MMP26: variants seen among roughly 807,000 people sequenced by gnomAD.
MMP26 encodes the protein matrix metalloproteinase-26.
MMP26 carries 33 observed loss-of-function variants against 31.0 expected under a neutral mutation model. That is an observed-to-expected ratio of 1.06 (90% CI 0.81 to 1.42). MMP26 has a LOEUF of 1.42. Ranked by LOEUF, MMP26 falls within the 40% of genes most tolerant of loss-of-function variation. The pLI is 0.00. For missense variants in MMP26, 347 were observed against 316.1 expected (o/e 1.10, Z -0.74); for synonymous variants, 122 against 114.9 (o/e 1.06, Z -0.40).
chr11:4,910,634 C>A (rs72858173), intron 2 of MMP26, among the ~76,000 whole-genome samples: 18,652 of 152,092 alleles, frequency 0.12, 1,308 homozygotes, highest in South Asian at 0.25. Context: ...GATATCTACA[C>A]CATAATTTAA....
intron 2 of MMP26, among the ~76,000 whole-genome samples, chr11:4,977,872 GC>G (rs1416618793): frequency 6.6e-6 from 1 of 151,926 alleles, no homozygotes; most frequent in East Asian, 1.9e-4. Context: ...TCAAACTGTG[GC>G]TTTTGTATTT....
chr11:4,789,270 A>G (rs1404712230), intron 2 of MMP26, among the ~76,000 whole-genome samples: 1 of 152,142 alleles, frequency 6.6e-6, no homozygotes, highest in East Asian at 1.9e-4. Context: ...GGTTTGATTT[A>G]TGTTTCTAAA....
intron 2 of MMP26, among the ~76,000 whole-genome samples, chr11:4,918,780 G>T (rs1335140115): frequency 6.6e-6 from 1 of 152,136 alleles, no homozygotes; most frequent in Non-Finnish European, 1.5e-5. Context: ...TGACTGTTCT[G>T]ATTCTATTAT....
chr11:4,812,407 G>A (rs958499900), intron 2 of MMP26, among the ~76,000 whole-genome samples: 1 of 152,184 alleles, frequency 6.6e-6, no homozygotes, highest in Non-Finnish European at 1.5e-5. Flanking sequence ...TGCCAAGGTT[G>A]AGGTGACATG....
chr11:4,890,631 A>G (rs1252352279), intron 2 of MMP26: 1 of 152,154 alleles, frequency 6.6e-6, no homozygotes, highest in Non-Finnish European at 1.5e-5. Flanking sequence ...CAGGTCTGAA[A>G]TGACACTCAG....
chr11:4,857,320 G>A (rs540160030), intron 2 of MMP26, among the ~76,000 whole-genome samples: 7 of 151,914 alleles, frequency 4.6e-5, no homozygotes, highest in South Asian at 4.2e-4. Context: ...AAAATTGATA[G>A]ACTGCTAGCA....
intron 2 of MMP26, among the ~76,000 whole-genome samples, chr11:4,948,157 G>A (rs12275557): frequency 0.023 from 2,914 of 124,428 alleles, 641 homozygotes; most frequent in African/African-American, 0.075. Context: ...CCCTGTTTAA[G>A]GGACCTACTT....
intron 2 of MMP26, among the ~76,000 whole-genome samples, chr11:4,834,207 G>A (rs113868458): frequency 0.027 from 4,176 of 152,242 alleles, 86 homozygotes; most frequent in Non-Finnish European, 0.039. Context: ...AGGTTCGTGA[G>A]ATGTGGATTC....
At chr11:4,714,675 T>G (rs1847902436) in intron 1 of MMP26, among the ~76,000 whole-genome samples, 1 of 152,116 alleles carries the variant, frequency 6.6e-6, no homozygotes, top group South Asian at 2.1e-4. Flanking sequence ...GAGACCAAAT[T>G]TGAACCTAGG....
At chr11:4,956,217 G>C (rs924170897) in intron 2 of MMP26, among the ~76,000 whole-genome samples, 5 of 152,146 alleles carry the variant, frequency 3.3e-5, no homozygotes, top group African/African-American at 1.2e-4. Context: ...TTTGATAAAA[G>C]CTAAAGAATC....
intron 1 of MMP26, among the ~76,000 whole-genome samples, chr11:4,735,528 T>G (rs569129956): frequency 6.6e-6 from 1 of 152,196 alleles, no homozygotes; most frequent in African/African-American, 2.4e-5. Context: ...GATTTAACAT[T>G]TGTCTTATAT....
In MMP26 at chr11:4,769,115, C is replaced by T. The variant is rs536873822; in HGVS notation, c.-145+1774C>T. ...TGAATGGACTACTCTGGGGGCTGAC[C>T]GACCATAGCGATACACCAAGGACAG... On this transcript the variant is annotated intron_variant, in intron 2 of 7. Coordinates refer to ENST00000380390, the MANE Select transcript of MMP26 (RefSeq NM_021801.5). 5.2e-5 allele frequency: 83 copies of T among 1,603,106 alleles called. No individual in the cohort carries two copies. Among genetic ancestry groups the T allele is most frequent in the Admixed American group, 1.0e-4 (6 of 59,504 alleles).
intron 2 of MMP26, among the ~76,000 whole-genome samples, chr11:4,824,712 G>T (rs904442111): frequency 6.6e-6 from 1 of 151,988 alleles, no homozygotes; most frequent in Non-Finnish European, 1.5e-5. Flanking sequence ...AGAATATTTG[G>T]CATCTCCACC....
At chr11:4,862,593 A>C (rs545429462) in intron 2 of MMP26, among the ~76,000 whole-genome samples, 84 of 152,288 alleles carry the variant, frequency 5.5e-4, no homozygotes, top group South Asian at 5.2e-3. Flanking sequence ...TCACCTAGGT[A>C]CTTGTGAGAA....
At chr11:4,777,763 A>G (rs1338680826) in intron 2 of MMP26, among the ~76,000 whole-genome samples, 2 of 152,058 alleles carry the variant, frequency 1.3e-5, no homozygotes, top group African/African-American at 4.8e-5. Context: ...CAGAGTGTGT[A>G]TAGTTATAGT....
At chr11:4,936,800 A>T (rs759216321) in intron 2 of MMP26, among the ~76,000 whole-genome samples, 2 of 152,176 alleles carry the variant, frequency 1.3e-5, no homozygotes, top group Non-Finnish European at 2.9e-5. Context: ...TTAAAAATAT[A>T]CCCTTTGTAA....
intron 2 of MMP26, among the ~76,000 whole-genome samples, chr11:4,888,450 T>G (rs1393433979): frequency 6.6e-6 from 1 of 152,158 alleles, no homozygotes; most frequent in East Asian, 1.9e-4. Context: ...GATAGTAATT[T>G]AAAATATCAA....
intron 2 of MMP26, among the ~76,000 whole-genome samples, chr11:4,931,604 A>G (rs977152818): frequency 1.3e-5 from 2 of 152,134 alleles, no homozygotes; most frequent in African/African-American, 2.4e-5. Flanking sequence ...TAGCAAGGGC[A>G]TGTAACACTT....
At chr11:4,908,475 A>G (rs1022410520) in intron 2 of MMP26, 40 of 662,116 alleles carry the variant, frequency 6.0e-5, no homozygotes, top group African/African-American at 2.9e-4. Flanking sequence ...ACAGGATAGA[A>G]AAAAAAGTCA....
Sources: gnomAD v4.1 joint callset for allele counts (sites outside exome capture counted in the v4.1 genomes callset) on GRCh38, gnomAD v4.1.1 for gene constraint, MANE v1.5 for transcripts, NCBI Gene and HGNC (gene_info 2026-07-23, HGNC 2026-07-21) for gene names.